The following SOX5 variants were observed in gnomAD, a reference collection of about 807,000 sequenced individuals.
The protein encoded by SOX5 is transcription factor SOX-5.
A neutral mutation model predicts 92.0 loss-of-function variants in SOX5; 9 were observed. That is an observed-to-expected ratio of 0.10 (90% CI 0.06 to 0.17). SOX5 has a LOEUF of 0.17. Among genes scored for constraint, SOX5 ranks in the 10% least tolerant of loss-of-function variants. The probability of loss-of-function intolerance (pLI) is 1.00; values close to 1 mark genes in which losing one functional copy is unlikely to be tolerated. For missense variants in SOX5, 642 were observed against 944.5 expected (o/e 0.68, Z 4.20); for synonymous variants, 344 against 336.3 (o/e 1.02, Z -0.25).
intron 1 of SOX5, among the ~76,000 whole-genome samples, chr12:23,947,759 C>G (rs187332758): frequency 6.7e-5 from 10 of 149,444 alleles, no homozygotes; most frequent in African/African-American, 2.5e-4. Context: ...ATTTGAGCAT[C>G]AGAATAGGAA....
chr12:23,920,594 C>A (rs1215387634), intron 1 of SOX5: 2 of 152,152 alleles, frequency 1.3e-5, no homozygotes, highest in African/African-American at 4.8e-5. Context: ...ACATTGTTTC[C>A]ATGAATCTTC....
chr12:23,571,247 G>C (rs970411964), intron 10 of SOX5, among the ~76,000 whole-genome samples: 1 of 151,876 alleles, frequency 6.6e-6, no homozygotes, highest in Middle Eastern at 3.4e-3. Context: ...GTCTTAACCT[G>C]GCATGTTGTA....
At position 23,536,484 on chromosome 12, in the gene SOX5, G is replaced by A; in HGVS notation, c.1957C>T (p.Arg653Trp). The A allele has an allele frequency of 6.2e-7, 1 of 1,614,044 alleles. No individual in the cohort carries two copies. The highest frequency in any genetic ancestry group is 2.2e-5 in the East Asian group (1 of 44,878). Residue 653 changes from arginine to tryptophan, a missense_variant, in exon 14 of 15, where the codon CGG (arginine) becomes TGG (tryptophan). This residue lies in a region of SOX5 where 21 missense variants were observed against 52.3 expected (regional missense o/e 0.40). Coordinates refer to ENST00000451604, the MANE Select transcript of SOX5 (RefSeq NM_006940.6). The part of the protein sequence containing the change: ...GEYKAIMRNR[R>W]QEMRQYFNVG... The stretch of plus-strand genomic sequence containing the variant: ...TTGAAGTACTGCCGCATTTCCTGCC[G>A]CCTGTTGCGCATGATTGCCTTGTAT...
chr12:23,876,061 T>C (rs1294272335), intron 2 of SOX5, among the ~76,000 whole-genome samples: 2 of 152,160 alleles, frequency 1.3e-5, no homozygotes, highest in Non-Finnish European at 2.9e-5. Flanking sequence ...ACCCCTAAGA[T>C]AGATGATGCT....
At chr12:24,516,951 T>C (rs1239279131) in intron 1 of SOX5, among the ~76,000 whole-genome samples, 1 of 152,202 alleles carries the variant, frequency 6.6e-6, no homozygotes, top group Non-Finnish European at 1.5e-5. Context: ...AACTCCTTAA[T>C]CTGTAGAATT....
chr12:24,096,311 A>T lies in SOX5; in HGVS notation c.-2+117032T>A, dbSNP rs577755044. Among the ~76,000 whole-genome samples, 64 of 152,310 alleles carry T rather than the reference A, an allele frequency of 4.2e-4. 1 individual carries two copies. The South Asian group carries it at 0.013, about 31-fold the overall frequency. On this transcript the variant is annotated intron_variant, in intron 4 of 4. Coordinates refer to the SOX5 transcript ENST00000446891. ...CTTACTGTGGTAAAATACACACAAC[A>T]TAGAATGTACAGTGTTAACTATTTT...
intron 8 of SOX5, among the ~76,000 whole-genome samples, chr12:23,605,871 T>C (rs1379485134): frequency 6.6e-6 from 1 of 152,028 alleles, no homozygotes; most frequent in African/African-American, 2.4e-5. Flanking sequence ...ATGTAAAATA[T>C]ATCCCAGAGA....
intron 3 of SOX5, among the ~76,000 whole-genome samples, chr12:24,262,836 AGAGAGGAT>A (rs1340334771): frequency 6.6e-6 from 1 of 152,202 alleles, no homozygotes; most frequent in Non-Finnish European, 1.5e-5. Flanking sequence ...ACAAAAGACT[AGAGAGGAT>A]AGGTAGTAGG....
intron 3 of SOX5, among the ~76,000 whole-genome samples, chr12:23,759,213 T>A (rs971189409): frequency 6.6e-6 from 1 of 152,046 alleles, no homozygotes; most frequent in East Asian, 1.9e-4. Flanking sequence ...AAAGGTAGGC[T>A]TTTTTACAGT....
At chr12:24,331,023 G>A (rs746636842) in intron 2 of SOX5, among the ~76,000 whole-genome samples, 6 of 152,180 alleles carry the variant, frequency 3.9e-5, no homozygotes, top group Non-Finnish European at 5.9e-5. Context: ...CGGAGCTCCA[G>A]CACAGGAGTT....
At chr12:24,520,007 G>A (rs1353199404) in intron 1 of SOX5, among the ~76,000 whole-genome samples, 1 of 151,686 alleles carries the variant, frequency 6.6e-6, no homozygotes, top group Non-Finnish European at 1.5e-5. Flanking sequence ...TTCAGGCCAG[G>A]AGAGAGTGAA....
intron 2 of SOX5, among the ~76,000 whole-genome samples, chr12:24,317,633 A>G (rs568638527): frequency 2.4e-4 from 36 of 152,132 alleles, no homozygotes; most frequent in Middle Eastern, 3.4e-3. Flanking sequence ...TTCTCACACA[A>G]TCTCCATCTC....
rs371975194 is a variant in SOX5, at chr12:24,549,868, G to A, written c.-251+12461C>T. Among the ~76,000 whole-genome samples the A allele has an allele frequency of 5.6e-3, 847 of 152,302 alleles. 3 individuals carry two copies. The highest frequency in any genetic ancestry group is 0.031 in the Middle Eastern group (9 of 294). The stretch of plus-strand genomic sequence containing the variant: ...TGTCAGGAGGATTGGCCTGATAGTG[G>A]TAAATAGAGCAGAGTCGAGGGAAAG... On this transcript the variant is annotated intron_variant, in intron 1 of 4. Coordinates refer to the SOX5 transcript ENST00000446891.
chr12:23,885,728 G>A (rs1013506725), intron 2 of SOX5, among the ~76,000 whole-genome samples: 1 of 152,110 alleles, frequency 6.6e-6, no homozygotes, highest in Non-Finnish European at 1.5e-5. Context: ...ACACAAAGGA[G>A]ATATGTAACC....
At chr12:24,138,911 C>T (rs1291872352) in intron 4 of SOX5, among the ~76,000 whole-genome samples, 1 of 152,216 alleles carries the variant, frequency 6.6e-6, no homozygotes, top group East Asian at 1.9e-4. Flanking sequence ...GATTATACCT[C>T]GACTCCTTAA....
upstream of SOX5, among the ~76,000 whole-genome samples, chr12:23,951,420 C>G (rs1250200408): frequency 1.3e-5 from 2 of 152,022 alleles, no homozygotes; most frequent in African/African-American, 4.8e-5. Flanking sequence ...AGGGTTGACC[C>G]CACGGCAGTT....
At chr12:23,870,780 T>C (rs11047141) in intron 2 of SOX5, among the ~76,000 whole-genome samples, 15,147 of 152,220 alleles carry the variant, frequency 0.1, 899 homozygotes, top group East Asian at 0.22. Flanking sequence ...GAGGTGTTCA[T>C]ATTTCTTAAC....
At chr12:23,954,030 G>C (rs949532113), upstream of SOX5, among the ~76,000 whole-genome samples, 1 of 151,832 alleles carries the variant, frequency 6.6e-6, no homozygotes, top group Non-Finnish European at 1.5e-5. Flanking sequence ...TCACAAACAA[G>C]TTATTTTCAA....
At chr12:23,984,034 T>G (rs1949839523) in intron 4 of SOX5, among the ~76,000 whole-genome samples, 1 of 152,066 alleles carries the variant, frequency 6.6e-6, no homozygotes, top group Non-Finnish European at 1.5e-5. Flanking sequence ...AGGTTCAGAG[T>G]AAAGAAGAAA....
Sources: allele counts gnomAD v4.1 joint callset (sites outside exome capture counted in the v4.1 genomes callset), GRCh38; gene constraint gnomAD v4.1.1; regional missense constraint gnomAD v4.1.1; transcripts MANE v1.5; gene names NCBI Gene and HGNC (gene_info 2026-07-23, HGNC 2026-07-21).